Variants in GUCY1A2 observed in about 807,000 individuals in gnomAD.
The protein encoded by GUCY1A2 is guanylate cyclase 1 soluble subunit alpha 2.
In GUCY1A2, 27 loss-of-function variants were observed where a neutral mutation model predicts 63.5. The observed-to-expected ratio is 0.43, with a 90% CI of 0.31 to 0.59. The LOEUF (loss-of-function observed/expected upper bound fraction) is 0.59. GUCY1A2 is among the 20% of genes least tolerant of loss of function. The pLI, the probability that GUCY1A2 is intolerant of heterozygous loss-of-function variation, is 0.11. For missense variants in GUCY1A2, 768 were observed against 913.3 expected (o/e 0.84, Z 2.05); for synonymous variants, 364 against 343.5 (o/e 1.06, Z -0.66).
At chr11:106,983,180 T>C (rs1861359907) in intron 2 of GUCY1A2, among the ~76,000 whole-genome samples, 1 of 152,182 alleles carries the variant, frequency 6.6e-6, no homozygotes, top group Non-Finnish European at 1.5e-5. Context: ...ACCAGAAAAT[T>C]AGACCAGAAT....
intron 6 of GUCY1A2, among the ~76,000 whole-genome samples, chr11:106,748,123 G>C (rs1475678848): frequency 6.6e-6 from 1 of 152,142 alleles, no homozygotes; most frequent in Non-Finnish European, 1.5e-5. Flanking sequence ...TTGATTTTGA[G>C]GGTAAAGTGG....
intron 4 of GUCY1A2, among the ~76,000 whole-genome samples, chr11:106,905,181 C>T (rs963593652): frequency 2.0e-5 from 3 of 152,036 alleles, no homozygotes; most frequent in African/African-American, 7.2e-5. Context: ...AATGCCTAAA[C>T]ACCCTAGAAC....
chr11:106,881,000 TG>T (rs1859815508), intron 4 of GUCY1A2, among the ~76,000 whole-genome samples: 2 of 152,254 alleles, frequency 1.3e-5, no homozygotes, highest in Admixed American at 6.5e-5. Flanking sequence ...TTCTGTGGAC[TG>T]TAATAATTTC....
intron 4 of GUCY1A2, among the ~76,000 whole-genome samples, chr11:106,920,284 T>C (rs184558498): frequency 5.9e-5 from 9 of 152,198 alleles, no homozygotes; most frequent in Non-Finnish European, 8.8e-5. Flanking sequence ...CAGTATAAAA[T>C]TGGGAATATT....
At chr11:106,943,088 G>A (rs570227858) in intron 3 of GUCY1A2, among the ~76,000 whole-genome samples, 2 of 152,232 alleles carry the variant, frequency 1.3e-5, no homozygotes, top group Non-Finnish European at 2.9e-5. Flanking sequence ...AAAGTTATTA[G>A]ATTTGAAAAT....
At chr11:106,718,347 C>T (rs1863253357) in intron 6 of GUCY1A2, among the ~76,000 whole-genome samples, 1 of 151,972 alleles carries the variant, frequency 6.6e-6, no homozygotes, top group Admixed American at 6.6e-5. Context: ...ATCTTGTTTA[C>T]ATTTTCTGAT....
chr11:106,750,242 G>A (rs777615282), intron 6 of GUCY1A2, among the ~76,000 whole-genome samples: 9 of 152,018 alleles, frequency 5.9e-5, no homozygotes, highest in African/African-American at 1.7e-4. Flanking sequence ...AAAAAGAGCC[G>A]GCAGATTTAG....
intron 6 of GUCY1A2, among the ~76,000 whole-genome samples, chr11:106,760,852 A>G (rs1014343170): frequency 2.6e-5 from 4 of 152,178 alleles, no homozygotes; most frequent in Non-Finnish European, 5.9e-5. Context: ...ATGAATAATG[A>G]GAGGCTCTCA....
In GUCY1A2 at chr11:106,820,115, C is replaced by T. The variant is rs552454396; in HGVS notation, c.1207-9637G>A. 6.2e-4 allele frequency among the ~76,000 whole-genome samples: 95 copies of T among 152,050 alleles called. 1 individual carries two copies. The highest frequency in any genetic ancestry group is 2.7e-3 in the Admixed American group (41 of 15,270). ...TTCCTTGCTTATTTGTTTAATCATT[C>T]GATGTGTATGTGTGTTTTGATTCTT... On this transcript the variant is annotated intron_variant, in intron 4 of 7. Coordinates refer to ENST00000526355, the MANE Select transcript of GUCY1A2 (RefSeq NM_000855.3).
At chr11:106,833,819 A>G (rs1457247353) in intron 4 of GUCY1A2, among the ~76,000 whole-genome samples, 1 of 152,024 alleles carries the variant, frequency 6.6e-6, no homozygotes, top group Non-Finnish European at 1.5e-5. Flanking sequence ...TCAATTTTCC[A>G]TTACAAAGCA....
intron 6 of GUCY1A2, among the ~76,000 whole-genome samples, chr11:106,733,536 T>G (rs929787241): frequency 2.0e-4 from 30 of 152,310 alleles, no homozygotes; most frequent in African/African-American, 7.0e-4. Flanking sequence ...ATATATAAAG[T>G]AATTACTTTT....
intron 4 of GUCY1A2, among the ~76,000 whole-genome samples, chr11:106,895,702 G>T (rs1478160039): frequency 6.6e-6 from 1 of 152,122 alleles, no homozygotes; most frequent in Admixed American, 6.6e-5. Context: ...TCCCAGGTAT[G>T]TCTTTCTTAG....
intron 4 of GUCY1A2, among the ~76,000 whole-genome samples, chr11:106,927,310 T>C (rs1860539086): frequency 6.6e-6 from 1 of 151,330 alleles, no homozygotes; most frequent in South Asian, 2.1e-4. Flanking sequence ...GGGGCGGAGC[T>C]TGCAGTGAGC....
intron 6 of GUCY1A2, among the ~76,000 whole-genome samples, chr11:106,757,786 C>T (rs933572249): frequency 3.3e-5 from 5 of 152,194 alleles, no homozygotes; most frequent in Admixed American, 2.0e-4. Context: ...AGGTGTCTGT[C>T]AGCCCCTACT....
At chr11:106,929,723 C>G (rs922177879) in intron 4 of GUCY1A2, among the ~76,000 whole-genome samples, 2 of 152,106 alleles carry the variant, frequency 1.3e-5, no homozygotes, top group African/African-American at 4.8e-5. Flanking sequence ...TTTCACTAGG[C>G]AACTCCCTCC....
chr11:106,901,714 C>T (rs567685066), intron 4 of GUCY1A2, among the ~76,000 whole-genome samples: 32 of 148,624 alleles, frequency 2.2e-4, no homozygotes, highest in African/African-American at 6.7e-4. Flanking sequence ...TCAATTCCCA[C>T]GTATGAGTGA....
intron 4 of GUCY1A2, among the ~76,000 whole-genome samples, chr11:106,833,978 ACAT>A (rs1006763914): frequency 6.6e-6 from 1 of 152,054 alleles, no homozygotes; most frequent in African/African-American, 2.4e-5. Flanking sequence ...AATGTGTACA[ACAT>A]CATGTTTTGA....
chr11:106,924,939 C>T (rs1860501708), intron 4 of GUCY1A2, among the ~76,000 whole-genome samples: 2 of 151,776 alleles, frequency 1.3e-5, no homozygotes, highest in African/African-American at 2.4e-5. Flanking sequence ...CTGGGGAGGT[C>T]GAGGCTGCAG....
rs1448006620 is a variant in GUCY1A2, at chr11:106,678,146, T to G, written c.*9403A>C. 1.5e-5 allele frequency: 3 copies of G among 197,000 alleles called. No individual in the cohort carries two copies. The East Asian group carries it at 2.4e-4, about 16-fold the overall frequency. 12.2% of individuals were successfully genotyped at this position (197,000 alleles called of 1,614,324 possible). On this transcript the variant is annotated 3_prime_UTR_variant, in exon 8 of 8. Transcript: ENST00000526355. The stretch of plus-strand genomic sequence containing the variant: ...TTTTCTAAAAGTCCCCCTGAATTAC[T>G]TTAGATAATTATACAGTCCTCTAGT...
Sources: gnomAD v4.1 joint callset for allele counts (sites outside exome capture counted in the v4.1 genomes callset) on GRCh38, gnomAD v4.1.1 for gene constraint, MANE v1.5 for transcripts, NCBI Gene and HGNC (gene_info 2026-07-23, HGNC 2026-07-21) for gene names.